The following RTTN variants were observed in gnomAD, a reference collection of about 807,000 sequenced individuals.
The protein encoded by RTTN is rotatin.
In RTTN, 182 loss-of-function variants were observed where a neutral mutation model predicts 269.2. The ratio of observed to expected loss-of-function variants is 0.68; its 90% CI spans 0.60 to 0.76. The LOEUF is 0.76. RTTN is among the 30% of genes least tolerant of loss of function. The pLI, the probability that RTTN is intolerant of heterozygous loss-of-function variation, is 0.00. For missense variants in RTTN, 2,545 were observed against 2,608.6 expected (o/e 0.98, Z 0.53); for synonymous variants, 1,006 against 963.5 (o/e 1.04, Z -0.82).
At position 70,017,889 on chromosome 18, in the gene RTTN, T is replaced by A. The variant is rs17081972; in HGVS notation, c.6154-215A>T. 0.014 allele frequency among the ~76,000 whole-genome samples: 2,201 copies of A among 152,312 alleles called. 57 individuals carry two copies. The highest frequency in any genetic ancestry group is 0.051 in the African/African-American group (2,112 of 41,564). On this transcript the variant is annotated intron_variant, in intron 45 of 48. Coordinates refer to ENST00000640769, the MANE Select transcript of RTTN (RefSeq NM_173630.4). ...GTGCTCAAGTTTTAATTCCTGCTAATTATTTCCTCATGATGGATGAAGTAT... is the reference window on the plus strand; with the variant it reads ...GTGCTCAAGTTTTAATTCCTGCTAAATATTTCCTCATGATGGATGAAGTAT...
At chr18:70,193,842 C>A (rs775625445) in intron 7 of RTTN, among the ~76,000 whole-genome samples, 9 of 152,068 alleles carry the variant, frequency 5.9e-5, no homozygotes, top group African/African-American at 2.2e-4. Flanking sequence ...AAGCTCTTAG[C>A]GGAAAAAATA....
chr18:70,026,009 A>G (rs937572410), intron 43 of RTTN, among the ~76,000 whole-genome samples: 3 of 152,012 alleles, frequency 2.0e-5, no homozygotes, highest in African/African-American at 7.3e-5. Context: ...AAACAAACAT[A>G]CTCATTTCCT....
At chr18:70,062,200 A>G (rs879701514) in intron 35 of RTTN, among the ~76,000 whole-genome samples, 5 of 152,180 alleles carry the variant, frequency 3.3e-5, no homozygotes, top group Admixed American at 1.3e-4. Context: ...ATGTAGCTGG[A>G]TTAATTGGTT....
chr18:70,037,436 T>C (rs1761842170), intron 40 of RTTN, among the ~76,000 whole-genome samples: 1 of 152,170 alleles, frequency 6.6e-6, no homozygotes, highest in Admixed American at 6.5e-5. Flanking sequence ...TCAGTCACAA[T>C]AGAACAGGGC....
chr18:70,139,166 C>T (rs2060196810), intron 21 of RTTN, among the ~76,000 whole-genome samples: 1 of 152,182 alleles, frequency 6.6e-6, no homozygotes, highest in Non-Finnish European at 1.5e-5. Flanking sequence ...AGTTTCTACT[C>T]ACACAGGTTG....
At chr18:70,100,722 A>G (rs958065840) in intron 28 of RTTN, among the ~76,000 whole-genome samples, 19 of 152,184 alleles carry the variant, frequency 1.2e-4, no homozygotes, top group African/African-American at 3.6e-4. Context: ...TCTGTCATAA[A>G]TAGCTCTTAT....
At chr18:70,043,090 G>A (rs1246434263) in intron 40 of RTTN, among the ~76,000 whole-genome samples, 1 of 152,178 alleles carries the variant, frequency 6.6e-6, no homozygotes, top group South Asian at 2.1e-4. Flanking sequence ...ATGAAAACAG[G>A]CACCAAGTAG....
intron 17 of RTTN, 104 bp from the exon 18 acceptor site, chr18:70,145,887 T>A: frequency 1.2e-6 from 1 of 813,662 alleles, no homozygotes; most frequent in Non-Finnish European, 1.9e-6. Context: ...GTACAATAAG[T>A]AGTCACAATT....
At chr18:70,164,037 T>C (rs576248187) in intron 14 of RTTN, among the ~76,000 whole-genome samples, 4 of 152,118 alleles carry the variant, frequency 2.6e-5, no homozygotes, top group Admixed American at 2.6e-4. Context: ...AGACAGAAAG[T>C]AGAAAGGTGG....
At chr18:70,090,865 G>A (rs1275795017) in intron 30 of RTTN, among the ~76,000 whole-genome samples, 1 of 152,180 alleles carries the variant, frequency 6.6e-6, no homozygotes, top group African/African-American at 2.4e-5. Context: ...ACTCTGGTGG[G>A]CCTGTAAGGC....
Position 70,030,011 on chromosome 18 carries a change from CCTTT to C in RTTN, c.5742_5745del (p.Lys1915ArgfsTer8), listed in dbSNP as rs1264200318. The stretch of plus-strand genomic sequence containing the variant: ...GCCATTCATTTATCCCAGAATGTTA[CCTTT>C]TTTTTCAATGCTGCTTTCCCAGGCC... On this transcript the variant is annotated frameshift_variant and splice_region_variant, in exon 42 of 49. Transcript: ENST00000640769. LOFTEE classifies it high-confidence loss of function. 3 of 1,608,120 alleles carry C rather than the reference CCTTT, an allele frequency of 1.9e-6. No homozygotes were observed. The highest frequency in any genetic ancestry group is 2.6e-6 in the Non-Finnish European group (3 of 1,175,448).
At chr18:70,118,145 G>A (rs1351054306) in intron 26 of RTTN, among the ~76,000 whole-genome samples, 1 of 151,588 alleles carries the variant, frequency 6.6e-6, no homozygotes, top group African/African-American at 2.4e-5. Flanking sequence ...ATAGAAACTG[G>A]AAAAACAATA....
intron 38 of RTTN, chr18:70,053,270 A>C (rs555052030): frequency 6.6e-6 from 1 of 152,286 alleles, no homozygotes; most frequent in South Asian, 2.1e-4. Context: ...AAACTATTTT[A>C]ATTTCTAAGA....
chr18:70,029,871 A>G, intron 42 of RTTN, 141 bp downstream of exon 42: 1 of 590,718 alleles, frequency 1.7e-6, no homozygotes. Flanking sequence ...ACAATCTGCT[A>G]ATGTAGAAGT....
chr18:70,023,775 G>A (rs867279100), intron 44 of RTTN, among the ~76,000 whole-genome samples: 3 of 151,912 alleles, frequency 2.0e-5, no homozygotes, highest in African/African-American at 7.3e-5. Flanking sequence ...TACCACCCAG[G>A]GCAATTTTTC....
intron 10 of RTTN, among the ~76,000 whole-genome samples, chr18:70,177,751 G>C (rs550027399): frequency 4.6e-5 from 7 of 152,190 alleles, no homozygotes; most frequent in African/African-American, 1.7e-4. Context: ...ACTATACAGG[G>C]AACAACTAAA....
intron 11 of RTTN, 21 bp downstream of exon 11, chr18:70,176,654 G>A (rs574279968): frequency 7.4e-5 from 118 of 1,604,492 alleles, no homozygotes; most frequent in African/African-American, 2.0e-4. Flanking sequence ...AAGTACAAAT[G>A]AGCAGCATTG....
At chr18:70,015,165 G>A (rs928506185) in intron 46 of RTTN, among the ~76,000 whole-genome samples, 1 of 151,260 alleles carries the variant, frequency 6.6e-6, no homozygotes, top group Non-Finnish European at 1.5e-5. Context: ...TGCAACCTCC[G>A]TCTCCCCAGT....
chr18:70,109,219 A>C (rs2059398328), intron 28 of RTTN, among the ~76,000 whole-genome samples: 1 of 152,234 alleles, frequency 6.6e-6, no homozygotes, highest in Non-Finnish European at 1.5e-5. Context: ...CTGGTTGAGC[A>C]TTCCTAATCC....
Sources: allele counts gnomAD v4.1 joint callset (sites outside exome capture counted in the v4.1 genomes callset), GRCh38; gene constraint gnomAD v4.1.1; transcripts MANE v1.5; gene names NCBI Gene and HGNC (gene_info 2026-07-23, HGNC 2026-07-21).